Variants in MSI2 observed in about 807,000 individuals in gnomAD.
The protein encoded by MSI2 is musashi RNA binding protein 2.
MSI2 carries 17 observed loss-of-function variants against 45.6 expected under a neutral mutation model. The observed-to-expected ratio is 0.37, with a 90% CI of 0.26 to 0.56. The LOEUF (loss-of-function observed/expected upper bound fraction) is 0.56, where lower values mean the gene tolerates loss of function less well. MSI2 is among the 20% of genes least tolerant of loss of function. MSI2 has a pLI of 0.77. For missense variants in MSI2, 293 were observed against 444.2 expected, an observed-to-expected ratio of 0.66 and a Z score of 3.06; for synonymous variants, 156 against 158.2, an observed-to-expected ratio of 0.99 and a Z score of 0.11.
rs115057349 is a variant in MSI2, at chr17:57,358,576, G to C, written c.313-42803G>C. 9.2e-3 allele frequency among the ~76,000 whole-genome samples: 1,398 copies of C among 152,258 alleles called. 21 individuals carry two copies. Among genetic ancestry groups the C allele is most frequent in the African/African-American group, 0.032 (1,333 of 41,562 alleles). Reference sequence around the variant, plus strand: ...GGTGAATATGGGATGTGAGATCCTAGTCATTAGCGTTTGGAGGGGGCCTTG... The same window carrying C: ...GGTGAATATGGGATGTGAGATCCTACTCATTAGCGTTTGGAGGGGGCCTTG... On this transcript the variant is annotated intron_variant, in intron 5 of 13. Coordinates refer to ENST00000284073, the MANE Select transcript of MSI2 (RefSeq NM_138962.4).
At chr17:57,415,391 G>T (rs2084275857) in intron 6 of MSI2, among the ~76,000 whole-genome samples, 1 of 152,164 alleles carries the variant, frequency 6.6e-6, no homozygotes, top group South Asian at 2.1e-4. Context: ...GTTGTGGGGG[G>T]ATTATGTGGG....
chr17:57,455,074 A>G (rs1254613026), intron 6 of MSI2, among the ~76,000 whole-genome samples: 1 of 152,212 alleles, frequency 6.6e-6, no homozygotes, highest in African/African-American at 2.4e-5. Context: ...CAGAGCGCCT[A>G]GCTCTCATTC....
intron 5 of MSI2, among the ~76,000 whole-genome samples, chr17:57,338,064 G>A (rs973911637): frequency 2.6e-5 from 4 of 152,080 alleles, no homozygotes; most frequent in Non-Finnish European, 5.9e-5. Flanking sequence ...TTACCGCCAA[G>A]GACGAGATTT....
chr17:57,396,954 C>T (rs2083902221), intron 5 of MSI2, among the ~76,000 whole-genome samples: 1 of 152,176 alleles, frequency 6.6e-6, no homozygotes, highest in Admixed American at 6.5e-5. Context: ...GGGAAGCACT[C>T]ACATACCAAA....
chr17:57,654,248 T>A (rs1206160674), intron 11 of MSI2, among the ~76,000 whole-genome samples: 1 of 152,224 alleles, frequency 6.6e-6, no homozygotes, highest in African/African-American at 2.4e-5. Context: ...ATGACTAGAC[T>A]GTATCCACCA....
intron 5 of MSI2, among the ~76,000 whole-genome samples, chr17:57,395,889 C>G (rs1339040144): frequency 3.3e-5 from 5 of 152,198 alleles, no homozygotes; most frequent in Admixed American, 6.5e-5. Flanking sequence ...TTGCCTTTAA[C>G]TAGCATGCGA....
chr17:57,268,783 C>T (rs926338138), intron 5 of MSI2, among the ~76,000 whole-genome samples: 10 of 152,142 alleles, frequency 6.6e-5, no homozygotes, highest in Non-Finnish European at 1.5e-4. Context: ...TGCAGTGAGC[C>T]GAGATTGCGC....
At chr17:57,555,224 C>T (rs118134991) in intron 7 of MSI2, among the ~76,000 whole-genome samples, 28 of 152,268 alleles carry the variant, frequency 1.8e-4, no homozygotes, top group South Asian at 1.0e-3. Context: ...AGCTCTGGGT[C>T]GCCCTGTCCT....
At chr17:57,525,074 C>T (rs376229213) in intron 6 of MSI2, among the ~76,000 whole-genome samples, 1 of 152,204 alleles carries the variant, frequency 6.6e-6, no homozygotes, top group African/African-American at 2.4e-5. Flanking sequence ...TTGAGAATCC[C>T]TGCCCCAACT....
chr17:57,439,071 C>T (rs2084746757), intron 6 of MSI2, among the ~76,000 whole-genome samples: 1 of 152,140 alleles, frequency 6.6e-6, no homozygotes, highest in Admixed American at 6.5e-5. Flanking sequence ...CCATGCCCGG[C>T]CTAGGAATTT....
At chr17:57,378,377 C>T (rs983571795) in intron 5 of MSI2, among the ~76,000 whole-genome samples, 2 of 152,170 alleles carry the variant, frequency 1.3e-5, no homozygotes, top group Non-Finnish European at 2.9e-5. Context: ...AATTCTCCTG[C>T]CTCAGCCTCC....
chr17:57,412,223 A>G (rs2143207324), intron 6 of MSI2, among the ~76,000 whole-genome samples: 1 of 152,100 alleles, frequency 6.6e-6, no homozygotes, highest in East Asian at 2.0e-4. Flanking sequence ...TTTTTAGTAG[A>G]GACAGGGTTT....
chr17:57,551,322 A>G (rs537319968), intron 7 of MSI2, among the ~76,000 whole-genome samples: 8 of 152,250 alleles, frequency 5.3e-5, no homozygotes, highest in African/African-American at 1.9e-4. Flanking sequence ...GTAGGTCCTC[A>G]CTGGACTCAC....
intron 7 of MSI2, among the ~76,000 whole-genome samples, chr17:57,568,606 C>T (rs1396978772): frequency 6.6e-6 from 1 of 152,228 alleles, no homozygotes; most frequent in African/African-American, 2.4e-5. Flanking sequence ...ACCTAGCCTC[C>T]ACCTCTAATC....
downstream of MSI2, among the ~76,000 whole-genome samples, chr17:57,685,032 C>T (rs1405413268): frequency 1.3e-5 from 2 of 152,142 alleles, no homozygotes; most frequent in Non-Finnish European, 2.9e-5. Context: ...CTAAGGGGCC[C>T]TCCCGGGTGC....
intron 7 of MSI2, among the ~76,000 whole-genome samples, chr17:57,560,004 G>A (rs907411348): frequency 6.6e-6 from 1 of 152,254 alleles, no homozygotes; most frequent in Non-Finnish European, 1.5e-5. Flanking sequence ...GTTTTCTGAG[G>A]CCCGTGGCCA....
chr17:57,309,996 G>A (rs1420957439), intron 5 of MSI2, among the ~76,000 whole-genome samples: 2 of 152,224 alleles, frequency 1.3e-5, no homozygotes, highest in East Asian at 1.9e-4. Context: ...GGAGTATGAA[G>A]GGTTTGGGCT....
chr17:57,502,636 T>TATATATATATATATATATATAG lies in MSI2; in HGVS notation c.406-27039_406-27038insTATATATATATATATATATAGA. Among the ~76,000 whole-genome samples, 137 of 96,776 alleles carry TATATATATATATATATATATAG rather than the reference T, an allele frequency of 1.4e-3. 2 individuals carry two copies. Among genetic ancestry groups the TATATATATATATATATATATAG allele is most frequent in the Non-Finnish European group, 2.1e-3 (97 of 46,418 alleles). The allele number at this position is 96,776 out of a possible 152,430, so 63.5% of individuals were successfully genotyped here. A position where few individuals can be genotyped will look rare whatever the true frequency, so the allele number is the denominator to read the frequency against. ...ATATATATATATATATATATATATATAGTCATCATTCTGTCATGCAGGAAG... is the reference window on the plus strand; with the variant it reads ...ATATATATATATATATATATATATATATATATATATATATATATATAGAGTCATCATTCTGTCATGCAGGAAG... On this transcript the variant is annotated intron_variant, in intron 6 of 13. Coordinates refer to ENST00000284073, the MANE Select transcript of MSI2 (RefSeq NM_138962.4).
At position 57,627,355 on chromosome 17, in the gene MSI2, T is replaced by C; in HGVS notation, c.727+52T>C. ...TGGAAGCACAAGAGGTGGGCTGCAT[T>C]TGCGGGGAGGTGAGAGGACCCCTAA... On this transcript the variant is annotated intron_variant, in intron 10 of 13. Transcript: ENST00000284073. The surrounding 1 kb of genome is among the most constrained non-coding windows in gnomAD (Gnocchi z 4.6). 1.3e-6 allele frequency: 2 copies of C among 1,540,104 alleles called. No individual in the cohort carries two copies. Among genetic ancestry groups the C allele is most frequent in the South Asian group, 2.2e-5 (2 of 89,544 alleles).
Sources: allele counts gnomAD v4.1 joint callset (sites outside exome capture counted in the v4.1 genomes callset), GRCh38; gene constraint gnomAD v4.1.1; non-coding constraint Gnocchi (gnomAD v3.1); transcripts MANE v1.5; gene names NCBI Gene and HGNC (gene_info 2026-07-23, HGNC 2026-07-21).